Variants in MIPOL1 observed in about 807,000 individuals in gnomAD.
The protein encoded by MIPOL1 is mirror-image polydactyly 1.
MIPOL1 carries 57 observed loss-of-function variants against 60.9 expected under a neutral mutation model. The observed-to-expected ratio is 0.94, with a 90% CI of 0.76 to 1.17. MIPOL1 has a LOEUF of 1.17. MIPOL1 is among the 50% of genes most tolerant of loss of function. MIPOL1 has a pLI of 0.00. For synonymous variants in MIPOL1, 179 were observed against 168.8 expected (o/e 1.06, Z -0.47); for missense variants, 551 against 511.6 (o/e 1.08, Z -0.74).
chr14:37,535,449 C>T (rs1346473094), intron 12 of MIPOL1, among the ~76,000 whole-genome samples: 1 of 152,042 alleles, frequency 6.6e-6, no homozygotes, highest in Non-Finnish European at 1.5e-5. Context: ...AAGCTTAATG[C>T]AGCATGGTAA....
chr14:37,217,369 G>T (rs551428310), intron 1 of MIPOL1, among the ~76,000 whole-genome samples: 5 of 152,246 alleles, frequency 3.3e-5, no homozygotes, highest in Non-Finnish European at 7.4e-5. Context: ...AAAAATAGAG[G>T]AGGAGGGAAT....
At chr14:37,356,437 A>T (rs2091834144) in intron 9 of MIPOL1, among the ~76,000 whole-genome samples, 1 of 152,092 alleles carries the variant, frequency 6.6e-6, no homozygotes, top group South Asian at 2.1e-4. Context: ...GGCTCCACCC[A>T]GTTCGAGCTT....
At chr14:37,244,616 C>T (rs1356137419) in intron 1 of MIPOL1, among the ~76,000 whole-genome samples, 1 of 151,078 alleles carries the variant, frequency 6.6e-6, no homozygotes, top group East Asian at 2.0e-4. Flanking sequence ...ATTGATTTTA[C>T]TTTGCTTCTT....
chr14:37,485,046 A>G (rs1053280616), intron 11 of MIPOL1, among the ~76,000 whole-genome samples: 1 of 151,974 alleles, frequency 6.6e-6, no homozygotes, highest in East Asian at 1.9e-4. Context: ...CCCTGTGTCC[A>G]TGTGTTCTCA....
chr14:37,531,664 A>G (rs2095480130), intron 12 of MIPOL1, among the ~76,000 whole-genome samples: 1 of 152,192 alleles, frequency 6.6e-6, no homozygotes, highest in Non-Finnish European at 1.5e-5. Flanking sequence ...AAAAATAACA[A>G]ATTACAACTT....
chr14:37,308,274 C>G, intron 8 of MIPOL1, 75 bp from the exon 9 acceptor site: 1 of 1,279,158 alleles, frequency 7.8e-7, no homozygotes, highest in Non-Finnish European at 1.1e-6. Flanking sequence ...TCACATGTGC[C>G]TATTAATTAA....
At chr14:37,359,658 G>T (rs932948615) in intron 9 of MIPOL1, among the ~76,000 whole-genome samples, 31 of 152,072 alleles carry the variant, frequency 2.0e-4, no homozygotes, top group South Asian at 2.1e-4. Flanking sequence ...GAATACTTTT[G>T]ATTTTTGCAC....
chr14:37,516,206 A>G (rs1420516058), intron 12 of MIPOL1, among the ~76,000 whole-genome samples: 1 of 152,214 alleles, frequency 6.6e-6, no homozygotes, highest in Non-Finnish European at 1.5e-5. Context: ...TGTGGTGTTC[A>G]TTTTTAAATG....
intron 7 of MIPOL1, among the ~76,000 whole-genome samples, chr14:37,294,579 A>G (rs190882229): frequency 1.4e-3 from 208 of 152,294 alleles, no homozygotes; most frequent in African/African-American, 4.9e-3. Flanking sequence ...AGACGAATGG[A>G]TAACTAGAAT....
intron 1 of MIPOL1, among the ~76,000 whole-genome samples, chr14:37,228,877 A>G (rs577113809): frequency 1.3e-5 from 2 of 152,296 alleles, no homozygotes; most frequent in Non-Finnish European, 1.5e-5. Context: ...GAATTGCTTG[A>G]GGCCAGGAGT....
In MIPOL1 at chr14:37,218,893, C is replaced by A. The variant is rs150104956; in HGVS notation, c.-199+20789C>A. On this transcript the variant is annotated intron_variant, in intron 1 of 12. Transcript: ENST00000684589. ...TGAGCCATAATTGCACCACTGCACT[C>A]CAGCCTGGGCAACAGAGTGAGACCC... Among the ~76,000 whole-genome samples, 506 of 149,106 alleles carry A rather than the reference C, an allele frequency of 3.4e-3. 3 individuals carry two copies. The highest frequency in any genetic ancestry group is 0.012 in the African/African-American group (496 of 40,244).
chr14:37,402,679 T>C (rs1006030263), intron 10 of MIPOL1, among the ~76,000 whole-genome samples: 2 of 152,212 alleles, frequency 1.3e-5, no homozygotes, highest in Non-Finnish European at 2.9e-5. Flanking sequence ...GTGGCCTAAG[T>C]ATTTTTAAAT....
intron 9 of MIPOL1, among the ~76,000 whole-genome samples, chr14:37,351,824 A>T (rs1334319141): frequency 6.9e-6 from 1 of 145,060 alleles, no homozygotes; most frequent in Non-Finnish European, 1.5e-5. Flanking sequence ...TTGTCAGATG[A>T]GTAGGTTGTG....
At chr14:37,317,505 G>T (rs2153442618) in intron 9 of MIPOL1, among the ~76,000 whole-genome samples, 1 of 152,154 alleles carries the variant, frequency 6.6e-6, no homozygotes, top group African/African-American at 2.4e-5. Flanking sequence ...AATGGGTGAG[G>T]GACCAGAGAG....
chr14:37,475,683 T>G (rs1447358505), intron 11 of MIPOL1, among the ~76,000 whole-genome samples: 1 of 152,238 alleles, frequency 6.6e-6, no homozygotes, highest in Non-Finnish European at 1.5e-5. Context: ...AAAAAGAAAC[T>G]ATTCTTTGTC....
chr14:37,528,400 G>A (rs542841462), intron 12 of MIPOL1, among the ~76,000 whole-genome samples: 2 of 151,940 alleles, frequency 1.3e-5, no homozygotes, highest in Non-Finnish European at 2.9e-5. Flanking sequence ...CTAGATATTT[G>A]CACATATCTG....
At chr14:37,487,927 G>T (rs534843531) in intron 11 of MIPOL1, among the ~76,000 whole-genome samples, 1 of 151,900 alleles carries the variant, frequency 6.6e-6, no homozygotes, top group Admixed American at 6.6e-5. Context: ...GTGTTGTTAG[G>T]GTGTGAATTT....
intron 1 of MIPOL1, among the ~76,000 whole-genome samples, chr14:37,237,524 TA>T (rs993467489): frequency 9.2e-5 from 14 of 152,320 alleles, no homozygotes; most frequent in African/African-American, 3.1e-4. Flanking sequence ...TTTGGTTTTT[TA>T]AAAAATTCTC....
chr14:37,305,445 T>C (rs1388268865), intron 7 of MIPOL1, among the ~76,000 whole-genome samples: 6 of 151,802 alleles, frequency 4.0e-5, no homozygotes, highest in Non-Finnish European at 8.8e-5. Flanking sequence ...TCACTTATTG[T>C]GTATGGCTGC....
Sources: gnomAD v4.1 joint callset for allele counts (sites outside exome capture counted in the v4.1 genomes callset) on GRCh38, gnomAD v4.1.1 for gene constraint, MANE v1.5 for transcripts, NCBI Gene and HGNC (gene_info 2026-07-23, HGNC 2026-07-21) for gene names.